PTPN3: variants seen among roughly 807,000 people sequenced by gnomAD.
PTPN3 encodes tyrosine-protein phosphatase non-receptor type 3.
Under a neutral mutation model 132.7 loss-of-function variants are expected in PTPN3, and 96 were observed. That is an observed-to-expected ratio of 0.72 (90% CI 0.61 to 0.86). The LOEUF (loss-of-function observed/expected upper bound fraction) is 0.86. Ranked by LOEUF, PTPN3 falls within the 40% of genes least tolerant of loss-of-function variation. PTPN3 has a pLI of 0.00. For synonymous variants in PTPN3, 398 were observed against 429.0 expected (o/e 0.93, Z 0.89); for missense variants, 1,125 against 1,159.6 (o/e 0.97, Z 0.43).
At chr9:109,523,390 A>T in the PTPN3 span, among the ~76,000 whole-genome samples, 1 of 152,246 alleles carries the variant, frequency 6.6e-6, no homozygotes, top group African/African-American at 2.4e-5. Flanking sequence ...CTGGGATTAC[A>T]GGCATGAGCC....
intron 18 of PTPN3, among the ~76,000 whole-genome samples, chr9:109,405,693 G>C (rs1252682259): frequency 1.3e-5 from 2 of 152,168 alleles, no homozygotes; most frequent in Non-Finnish European, 2.9e-5. Context: ...GGGTTCAAGC[G>C]ATTCTCCTGC....
At chr9:109,423,250 C>CCTAT (rs1843004166) in intron 12 of PTPN3, among the ~76,000 whole-genome samples, 1 of 152,210 alleles carries the variant, frequency 6.6e-6, no homozygotes, top group Non-Finnish European at 1.5e-5. Flanking sequence ...TCCTAGCTGG[C>CCTAT]AGGAGCTGTC....
intron 19 of PTPN3, among the ~76,000 whole-genome samples, chr9:109,402,949 A>C (rs1841268487): frequency 6.6e-6 from 1 of 152,120 alleles, no homozygotes; most frequent in African/African-American, 2.4e-5. Flanking sequence ...GTGGTGGTGC[A>C]TGCCTGTAGT....
chr9:109,414,224 G>A (rs1842304029), intron 14 of PTPN3, among the ~76,000 whole-genome samples: 1 of 152,242 alleles, frequency 6.6e-6, no homozygotes, highest in African/African-American at 2.4e-5. Context: ...AAGTGAAGGC[G>A]AGTTAAATGG....
At position 109,376,589 on chromosome 9, in the gene PTPN3, C is replaced by T. The variant is rs1302860963; in HGVS notation, c.*2967G>A. The stretch of plus-strand genomic sequence containing the variant: ...GGATCTCTCATCTTGATTAAATTGG[C>T]ACATCAACATGTTTAATTAGATCTT... On this transcript the variant is annotated 3_prime_UTR_variant, in exon 26 of 26. Transcript: ENST00000374541. 2 of 152,154 alleles carry T rather than the reference C, an allele frequency of 1.3e-5. No individual in the cohort carries two copies. The highest frequency in any genetic ancestry group is 2.9e-5 in the Non-Finnish European group (2 of 68,042). 9.4% of individuals were successfully genotyped at this position (152,154 alleles called of 1,614,324 possible).
At chr9:109,399,300 T>TA (rs1376160745) in intron 19 of PTPN3, among the ~76,000 whole-genome samples, 1 of 152,176 alleles carries the variant, frequency 6.6e-6, no homozygotes, top group African/African-American at 2.4e-5. Flanking sequence ...GTGTTGGTAT[T>TA]ACAAGCATGA....
chr9:109,447,056 C>G (rs376039239), intron 6 of PTPN3, among the ~76,000 whole-genome samples: 44 of 152,312 alleles, frequency 2.9e-4, no homozygotes, highest in African/African-American at 9.4e-4. Context: ...CGTTTGGTAG[C>G]AGAGACCCTC....
chr9:109,495,517 G>T (rs1847632909), intron 1 of PTPN3, among the ~76,000 whole-genome samples: 1 of 152,172 alleles, frequency 6.6e-6, no homozygotes, highest in African/African-American at 2.4e-5. Flanking sequence ...GGTCCCTCTT[G>T]CTCCTGGCCC....
chr9:109,484,536 G>A (rs1171866758), intron 1 of PTPN3, among the ~76,000 whole-genome samples: 1 of 152,222 alleles, frequency 6.6e-6, no homozygotes, highest in African/African-American at 2.4e-5. Context: ...CTAGGAGCTA[G>A]AATTGAGGGG....
chr9:109,516,020 G>A, the PTPN3 span, among the ~76,000 whole-genome samples: 2 of 152,062 alleles, frequency 1.3e-5, no homozygotes, highest in Non-Finnish European at 2.9e-5. Flanking sequence ...TTACTATACC[G>A]GCACAGAACC....
intron 1 of PTPN3, among the ~76,000 whole-genome samples, chr9:109,476,845 T>C (rs935327514): frequency 6.6e-6 from 1 of 152,226 alleles, no homozygotes; most frequent in Non-Finnish European, 1.5e-5. Flanking sequence ...TATGCATTCT[T>C]GCCCTTCCCA....
At chr9:109,534,413 T>C in the PTPN3 span, 1 of 1,420,898 alleles carries the variant, frequency 7.0e-7, no homozygotes, top group South Asian at 1.5e-5. Flanking sequence ...CCAGCGGTGG[T>C]GGTGGGGCTG....
At chr9:109,463,037 T>C (rs866243461) in intron 2 of PTPN3, among the ~76,000 whole-genome samples, 9 of 150,996 alleles carry the variant, frequency 6.0e-5, no homozygotes, top group Middle Eastern at 3.4e-3. Context: ...AGAAAGTGGA[T>C]GAGGACTTCC....
upstream of PTPN3, among the ~76,000 whole-genome samples, chr9:109,499,784 C>T (rs189206241): frequency 1.3e-5 from 2 of 152,210 alleles, no homozygotes; most frequent in African/African-American, 4.8e-5. Context: ...CAGCGGGTGC[C>T]GCCCGTGCAT....
intron 7 of PTPN3, among the ~76,000 whole-genome samples, chr9:109,441,508 A>G (rs762904720): frequency 1.2e-4 from 18 of 152,286 alleles, no homozygotes; most frequent in Admixed American, 2.0e-4. Flanking sequence ...CTCCACTGCT[A>G]GTATCATCCA....
chr9:109,456,038 G>A (rs1464595506), intron 4 of PTPN3, among the ~76,000 whole-genome samples: 1 of 152,084 alleles, frequency 6.6e-6, no homozygotes. Context: ...CGCAGAGGAT[G>A]CAGCTCATGG....
the PTPN3 span, among the ~76,000 whole-genome samples, chr9:109,516,075 C>T: frequency 6.6e-6 from 1 of 152,202 alleles, no homozygotes; most frequent in African/African-American, 2.4e-5. Flanking sequence ...AACCAGATGT[C>T]ACTCCTGTCA....
chr9:109,527,328 G>A, the PTPN3 span, among the ~76,000 whole-genome samples: 13 of 152,192 alleles, frequency 8.5e-5, no homozygotes, highest in Admixed American at 8.5e-4. Flanking sequence ...GGGCATAGTG[G>A]TGCACGCCTG....
chr9:109,468,650 G>A (rs1269085586), intron 1 of PTPN3, among the ~76,000 whole-genome samples: 1 of 152,254 alleles, frequency 6.6e-6, no homozygotes, highest in African/African-American at 2.4e-5. Context: ...ACAGGCGTGA[G>A]CCACCGCGCC....
Sources: gnomAD v4.1 joint callset for allele counts (sites outside exome capture counted in the v4.1 genomes callset) on GRCh38, gnomAD v4.1.1 for gene constraint, MANE v1.5 for transcripts, NCBI Gene and HGNC (gene_info 2026-07-23, HGNC 2026-07-21) for gene names.